LRRC58: variants seen among roughly 807,000 people sequenced by gnomAD.
LRRC58 encodes leucine rich repeat containing 58, also known as leucine-rich repeat-containing protein 58.
In LRRC58, 18 loss-of-function variants were observed where a neutral mutation model predicts 30.6. The observed-to-expected ratio is 0.59, with a 90% CI of 0.41 to 0.87. LRRC58 has a LOEUF of 0.87. Among genes scored for constraint, LRRC58 ranks in the 40% least tolerant of loss-of-function variants. The pLI is 0.00. For synonymous variants in LRRC58, 221 were observed against 206.0 expected (o/e 1.07, Z -0.62); for missense variants, 420 against 468.4 (o/e 0.90, Z 0.95).
intron 1 of LRRC58, among the ~76,000 whole-genome samples, chr3:120,340,975 C>A (rs1240500587): frequency 6.6e-6 from 1 of 152,094 alleles, no homozygotes; most frequent in South Asian, 2.1e-4. Context: ...TTCAAAATTC[C>A]ATTTCTCTCT....
intron 1 of LRRC58, among the ~76,000 whole-genome samples, chr3:120,341,392 A>C (rs943214375): frequency 3.3e-5 from 5 of 152,172 alleles, no homozygotes; most frequent in Non-Finnish European, 7.3e-5. Flanking sequence ...CTAAATAATA[A>C]CTTGCAATAT....
Position 120,326,991 on chromosome 3 carries a change from C to T in LRRC58, c.*4209G>A, listed in dbSNP as rs962007917. 4 of 152,164 alleles carry T rather than the reference C, an allele frequency of 2.6e-5. No individual in the cohort carries two copies. The highest frequency in any genetic ancestry group is 6.5e-5 in the Admixed American group (1 of 15,270). 9.4% of individuals were successfully genotyped at this position (152,164 alleles called of 1,614,324 possible). On this transcript the variant is annotated 3_prime_UTR_variant, in exon 4 of 4. Coordinates refer to ENST00000295628, the MANE Select transcript of LRRC58 (RefSeq NM_001099678.2). ...CCAGGTTAATGATGTATTACTTTCT[C>T]CCTTTGGGAAGAGCAAGGTTGGCTG...
Position 120,343,993 on chromosome 3 carries a change from C to A in LRRC58, c.500+4751G>T, listed in dbSNP as rs372324588. 1.1e-4 allele frequency among the ~76,000 whole-genome samples: 17 copies of A among 152,084 alleles called. No individual in the cohort carries two copies. In the East Asian group the frequency reaches 1.7e-3, roughly 16 times the overall value. On this transcript the variant is annotated intron_variant, in intron 1 of 3. Transcript: ENST00000295628. ...GGCAGAGGCTGCAGTGAGGTGAGAT[C>A]GTGCCGCTGCACTCCAGCTTGGTGG...
intron 3 of LRRC58, among the ~76,000 whole-genome samples, chr3:120,333,733 C>A (rs953126518): frequency 1.3e-5 from 2 of 152,274 alleles, no homozygotes; most frequent in Non-Finnish European, 2.9e-5. Context: ...CACCCACACA[C>A]CCTGGCCCTT....
chr3:120,339,604 G>A lies in LRRC58; in HGVS notation c.501-3651C>T, dbSNP rs552236097. Among the ~76,000 whole-genome samples, 94 of 152,256 alleles carry A rather than the reference G, an allele frequency of 6.2e-4. 1 individual carries two copies. Among genetic ancestry groups the A allele is most frequent in the African/African-American group, 2.0e-3 (85 of 41,552 alleles). ...GGCAGTTACTTTTCCTTGGCACTAC[G>A]AAGATGCTGCTCCGTTATCTTATTA... On this transcript the variant is annotated intron_variant, in intron 1 of 3. Coordinates refer to ENST00000295628, the MANE Select transcript of LRRC58 (RefSeq NM_001099678.2).
At position 120,328,645 on chromosome 3, in the gene LRRC58, A is replaced by C. The variant is rs973778072; in HGVS notation, c.*2555T>G. On this transcript the variant is annotated 3_prime_UTR_variant, in exon 4 of 4. Transcript: ENST00000295628. Reference sequence around the variant, plus strand: ...TGCATAGTTAGCTACATGACTTGGGAGCTGATTATCTGGTTTCTAGATTAT... The same window carrying C: ...TGCATAGTTAGCTACATGACTTGGGCGCTGATTATCTGGTTTCTAGATTAT... The C allele has an allele frequency of 2.0e-5, 3 of 152,190 alleles. No homozygotes were observed. Among genetic ancestry groups the C allele is most frequent in the African/African-American group, 7.2e-5 (3 of 41,450 alleles). 9.4% of individuals were successfully genotyped at this position (152,190 alleles called of 1,614,324 possible).
chr3:120,336,042 A>G (rs1401491587), intron 1 of LRRC58, 89 bp from the exon 2 acceptor site: 1 of 897,698 alleles, frequency 1.1e-6, no homozygotes, highest in Non-Finnish European at 1.7e-6. Flanking sequence ...CGTTTCATCT[A>G]TTCATTCAGC....
Position 120,349,087 on chromosome 3 carries a change from G to A in LRRC58, c.157C>T (p.His53Tyr). 2 of 1,515,128 alleles carry A rather than the reference G, an allele frequency of 1.3e-6. No individual in the cohort carries two copies. The highest frequency in any genetic ancestry group is 2.7e-5 in the East Asian group (1 of 37,424). The allele number at this position is 1,515,128 out of a possible 1,614,324, so 93.9% of individuals were successfully genotyped here. Residue 53 changes from histidine to tyrosine, a missense_variant, in exon 1 of 4, where the codon CAC becomes TAC. Physicochemically the swap from His to Tyr is moderately conservative, Grantham distance 83 (BLOSUM62 2). Transcript: ENST00000295628. ...CGTGGCAGCGACACCAGACGGTTGT[G>A]AGGCAGCAGCAGCCGCAGCAGCGCC... ...REALLRLLLP[H>Y]NRLVSLPRAL... is the part of the protein sequence containing the mutation.
At chr3:120,346,991 T>C (rs1481730062) in intron 1 of LRRC58, among the ~76,000 whole-genome samples, 1 of 152,218 alleles carries the variant, frequency 6.6e-6, no homozygotes, top group African/African-American at 2.4e-5. Context: ...CTTGCTCACT[T>C]CCCAGTACAA....
rs1935748098 is a variant in LRRC58 at position 120,331,047 on chromosome 3, G to A, written c.*153C>T. 1 of 638,074 alleles carries A rather than the reference G, an allele frequency of 1.6e-6. No homozygotes were observed. The highest frequency in any genetic ancestry group is 1.8e-5 in the African/African-American group (1 of 54,628). 39.5% of individuals were successfully genotyped at this position (638,074 alleles called of 1,614,324 possible). A position where few individuals can be genotyped will look rare whatever the true frequency, so the allele number is the denominator to read the frequency against. ...GGACTGGACTCATTCTTGCTGAATG[G>A]GTAGATGAAACACAAAATGTTTTAT... is the stretch of plus-strand genomic sequence containing the variant. On this transcript the variant is annotated 3_prime_UTR_variant, in exon 4 of 4. Transcript: ENST00000295628.
At chr3:120,336,008 C>A in intron 1 of LRRC58, 55 bp from the exon 2 acceptor site, 2 of 1,294,532 alleles carry the variant, frequency 1.5e-6, no homozygotes, top group East Asian at 2.4e-5. Context: ...AAAAGATACC[C>A]CATTGTGTCT....
At position 120,328,872 on chromosome 3, in the gene LRRC58, A is replaced by G. The variant is rs1446985404; in HGVS notation, c.*2328T>C. 1.3e-5 allele frequency: 2 copies of G among 152,232 alleles called. No individual in the cohort carries two copies. 9.4% of individuals were successfully genotyped at this position (152,232 alleles called of 1,614,324 possible). A position where few individuals can be genotyped will look rare whatever the true frequency, so the allele number is the denominator to read the frequency against. On this transcript the variant is annotated 3_prime_UTR_variant, in exon 4 of 4. Coordinates refer to ENST00000295628, the MANE Select transcript of LRRC58 (RefSeq NM_001099678.2). ...CAAAAGACAGTTGTATGCTGATCAT[A>G]GAGTTTTCAACTATACATAGAACCA... is the stretch of plus-strand genomic sequence containing the variant.
Position 120,335,007 on chromosome 3 carries a change from A to C in LRRC58, c.762T>G (p.Asp254Glu). The change falls in exon 3 of 4, where the codon GAT becomes GAG. Residue 254 changes from aspartate (D) to glutamate (E), a missense_variant. Asp to Glu is a conservative substitution (Grantham distance 45). Transcript: ENST00000295628. ...GNPLVVRFVR[D>E]LTYDPPTLLE... is the part of the protein sequence containing the mutation. ...GGAGAGTTGGAGGATCATAGGTTAA[A>C]TCTCTAACAAAACGAACAACCAATG... 1 of 1,613,946 alleles carries C rather than the reference A, an allele frequency of 6.2e-7. No homozygotes were observed. The highest frequency in any genetic ancestry group is 8.5e-7 in the Non-Finnish European group (1 of 1,179,866).
intron 1 of LRRC58, among the ~76,000 whole-genome samples, chr3:120,336,848 A>T (rs1347579069): frequency 6.9e-6 from 1 of 145,832 alleles, no homozygotes; most frequent in Non-Finnish European, 1.5e-5. Flanking sequence ...ATTTATTTAT[A>T]TATAAAAAAT....
intron 1 of LRRC58, among the ~76,000 whole-genome samples, chr3:120,343,126 C>T (rs545273415): frequency 1.3e-4 from 20 of 152,282 alleles, no homozygotes; most frequent in African/African-American, 2.6e-4. Context: ...AAGGATCTGA[C>T]GTTCTAAAAT....
Position 120,348,893 on chromosome 3 carries a change from C to T in LRRC58, c.351G>A (p.Pro117=). The T allele has an allele frequency of 6.3e-7, 1 of 1,581,274 alleles. No homozygotes were observed. Among genetic ancestry groups the T allele is most frequent in the Non-Finnish European group, 8.6e-7 (1 of 1,164,974 alleles). The part of the protein sequence containing the change: ...SALPKGLAQS[P]LCRSLQVLNL... ...TGAGCACCTGGAGGCTGCGGCAGAG[C>T]GGCGACTGGGCCAGGCCCTTGGGCA... The change falls in exon 1 of 4, where the codon CCG becomes CCA. Residue 117 remains proline, a synonymous_variant. Coordinates refer to ENST00000295628, the MANE Select transcript of LRRC58 (RefSeq NM_001099678.2).
intron 1 of LRRC58, among the ~76,000 whole-genome samples, chr3:120,342,253 C>T (rs1935913351): frequency 6.6e-6 from 1 of 152,158 alleles, no homozygotes; most frequent in African/African-American, 2.4e-5. Context: ...GCCAGTCGGG[C>T]AGATGGGAGT....
Position 120,349,128 on chromosome 3 carries a change from C to G in LRRC58, c.116G>C (p.Arg39Pro), listed in dbSNP as rs774222368. 1.7e-4 allele frequency: 259 copies of G among 1,505,592 alleles called. No individual in the cohort carries two copies. The highest frequency in any genetic ancestry group is 2.2e-4 in the Non-Finnish European group (250 of 1,135,706). 93.3% of individuals were successfully genotyped at this position (1,505,592 alleles called of 1,614,324 possible). Reference sequence around the variant, plus strand: ...CAGCAGCGCCTCCCGCGCCCCGCGCCGCTCCTCCCCCCGCGCCTCCAGCTC... The same window carrying G: ...CAGCAGCGCCTCCCGCGCCCCGCGCGGCTCCTCCCCCCGCGCCTCCAGCTC... ...ESELEARGEE[R>P]RGAREALLRL... is the part of the protein sequence containing the mutation. The change falls in exon 1 of 4, where the codon CGG becomes CCG. Residue 39 changes from arginine to proline, a missense_variant. Physicochemically the swap from Arg to Pro is moderately radical, Grantham distance 103. Around this residue, in one of 2 missense-constraint regions of LRRC58, gnomAD observed 266 missense variants for 251.7 expected, o/e 1.06. Coordinates refer to ENST00000295628, the MANE Select transcript of LRRC58 (RefSeq NM_001099678.2).
At chr3:120,343,018 T>C (rs907848023) in intron 1 of LRRC58, among the ~76,000 whole-genome samples, 2 of 152,228 alleles carry the variant, frequency 1.3e-5, no homozygotes, top group African/African-American at 4.8e-5. Flanking sequence ...CTGGTGATCA[T>C]TTGCTACTTG....
Sources: gnomAD v4.1 joint callset for allele counts (sites outside exome capture counted in the v4.1 genomes callset) on GRCh38, gnomAD v4.1.1 for gene constraint, gnomAD v4.1.1 regional missense constraint, MANE v1.5 for transcripts, NCBI Gene and HGNC (gene_info 2026-07-23, HGNC 2026-07-21) for gene names.